The following ABCA6 variants were observed in gnomAD, a reference collection of about 807,000 sequenced individuals.
The protein encoded by ABCA6 is ATP-binding cassette sub-family A member 6.
A neutral mutation model predicts 191.2 loss-of-function variants in ABCA6; 164 were observed. The observed-to-expected ratio is 0.86, with a 90% CI of 0.76 to 0.98. The LOEUF is 0.98. Among genes scored for constraint, ABCA6 ranks in the 50% least tolerant of loss-of-function variants. ABCA6 has a pLI of 0.00. For missense variants in ABCA6, 1,958 were observed against 1,894.1 expected (o/e 1.03, Z -0.63); for synonymous variants, 636 against 647.7 (o/e 0.98, Z 0.27).
chr17:69,129,746 G>A lies in ABCA6; in HGVS notation c.797C>T (p.Ser266Phe), dbSNP rs1339852741. ...MGLQDSAFWLSWGLIYAGFIF... is the reference protein window; with the variant it reads ...MGLQDSAFWLFWGLIYAGFIF... ...GAAGCCAGCATAGATTAGACCCCAG[G>A]AGAGCCTAAATAAAGACAAAAAGTT... Residue 266 changes from serine (S) to phenylalanine (F), a missense_variant, in exon 7 of 39, where the codon TCC becomes TTC. By Grantham distance (155) the Ser-to-Phe change is radical. Transcript: ENST00000284425. 6.3e-7 allele frequency: 1 copy of A among 1,576,592 alleles called. No homozygotes were observed. The highest frequency in any genetic ancestry group is 2.0e-5 in the Admixed American group (1 of 50,792).
Position 69,107,781 on chromosome 17 carries a change from G to T in ABCA6, c.2304C>A (p.Asp768Glu). ...DLFSDLDKCS[D>E]QGVTGYDISM... ...AAATGTCATAACCTGTCACTCCCTGGTCAGAACACTTATCCAGATCACTGA... is the reference window on the plus strand; with the variant it reads ...AAATGTCATAACCTGTCACTCCCTGTTCAGAACACTTATCCAGATCACTGA... The change falls in exon 18 of 39, where the codon GAC becomes GAA. Residue 768 changes from aspartate to glutamate, a missense_variant. Physicochemically the swap from Asp to Glu is conservative, Grantham distance 45. Transcript: ENST00000284425. 1 of 1,611,794 alleles carries T rather than the reference G, an allele frequency of 6.2e-7. No homozygotes were observed. The highest frequency in any genetic ancestry group is 8.5e-7 in the Non-Finnish European group (1 of 1,178,930).
chr17:69,139,074 A>G (rs1307432713), intron 2 of ABCA6, among the ~76,000 whole-genome samples: 1 of 152,240 alleles, frequency 6.6e-6, no homozygotes, highest in Non-Finnish European at 1.5e-5. Flanking sequence ...AGCAATGGCA[A>G]CAAAAGCTAA....
At chr17:69,137,271 C>CT (rs755584735) in intron 3 of ABCA6, 25 bp downstream of exon 3, 30 of 1,601,574 alleles carry the variant, frequency 1.9e-5, no homozygotes, top group Middle Eastern at 2.2e-4. Flanking sequence ...ATCAGTAACT[C>CT]TTTTTTTGCC....
chr17:69,094,153 G>A (rs2072994768), intron 25 of ABCA6: 1 of 152,182 alleles, frequency 6.6e-6, no homozygotes, highest in South Asian at 2.1e-4. Context: ...TCAAATCACA[G>A]TGAGAACACC....
intron 25 of ABCA6, among the ~76,000 whole-genome samples, chr17:69,091,916 T>C (rs1309046397): frequency 6.6e-6 from 1 of 152,120 alleles, no homozygotes; most frequent in Non-Finnish European, 1.5e-5. Flanking sequence ...ATATTGCTAA[T>C]GAATAAAAAC....
rs893309433 is a variant in ABCA6, at chr17:69,141,423, T to C, written c.-46+322A>G. Among the ~76,000 whole-genome samples, 4 of 152,148 alleles carry C rather than the reference T, an allele frequency of 2.6e-5. No homozygotes were observed. In the South Asian group the frequency reaches 6.2e-4, roughly 24 times the overall value. Reference sequence around the variant, plus strand: ...AGCAAAAATAAATCACACGGGAAAGTAATTTTGCCCAAAGATTTGCAAATC... The same window carrying C: ...AGCAAAAATAAATCACACGGGAAAGCAATTTTGCCCAAAGATTTGCAAATC... On this transcript the variant is annotated intron_variant, in intron 1 of 38. Coordinates refer to ENST00000284425, the MANE Select transcript of ABCA6 (RefSeq NM_080284.3).
chr17:69,136,242 C>T lies in ABCA6; in HGVS notation c.310G>A (p.Val104Ile), dbSNP rs1392512469. Residue 104 changes from valine to isoleucine, a missense_variant, in exon 4 of 39, where the codon GTC becomes ATC. Physicochemically the swap from Val to Ile is conservative, Grantham distance 29. Coordinates refer to ENST00000284425, the MANE Select transcript of ABCA6 (RefSeq NM_080284.3). Reference sequence around the variant, plus strand: ...TGTGTTTTATTTGGTGCCCCAATGACACTTGTTCCTGTGAATTACAAGGTA... The same window carrying T: ...TGTGTTTTATTTGGTGCCCCAATGATACTTGTTCCTGTGAATTACAAGGTA... Reference protein sequence around the residue: ...ALAPLLKGTSVIGAPNKTHMD... With the variant: ...ALAPLLKGTSIIGAPNKTHMD... The T allele has an allele frequency of 1.3e-6, 2 of 1,545,728 alleles. No individual in the cohort carries two copies. The highest frequency in any genetic ancestry group is 2.3e-5 in the East Asian group (1 of 43,528).
intron 10 of ABCA6, among the ~76,000 whole-genome samples, chr17:69,120,583 A>G (rs2073622230): frequency 1.3e-5 from 2 of 152,098 alleles, no homozygotes; most frequent in South Asian, 4.1e-4. Context: ...GAATGAATGA[A>G]TGAAGCAAAG....
intron 4 of ABCA6, 193 bp downstream of exon 4, chr17:69,135,899 T>C (rs1598066554): frequency 1.8e-5 from 11 of 605,560 alleles, no homozygotes; most frequent in Middle Eastern, 2.6e-4. Flanking sequence ...ACATATATGT[T>C]GGATGACTCT....
In ABCA6 at chr17:69,137,402, T is replaced by C; in HGVS notation, c.195A>G (p.Gly65=). ...AAGAGCTATTAAATTTATCTACCCT[T>C]CCCAGATTCTGAGGAGCCATTCCAG... The part of the protein sequence containing the change: ...QFPGMAPQNL[G]RVDKFNSSSL... The change falls in exon 3 of 39, where the codon GGA becomes GGG. Residue 65 remains glycine, a synonymous_variant. Coordinates refer to ENST00000284425, the MANE Select transcript of ABCA6 (RefSeq NM_080284.3). 1.9e-6 allele frequency: 3 copies of C among 1,613,736 alleles called. No individual in the cohort carries two copies. The highest frequency in any genetic ancestry group is 1.3e-5 in the African/African-American group (1 of 75,022).
chr17:69,098,813 GA>G (rs1358222259), intron 22 of ABCA6, among the ~76,000 whole-genome samples: 1 of 152,006 alleles, frequency 6.6e-6, no homozygotes, highest in Non-Finnish European at 1.5e-5. Context: ...GGGGGAGGGG[GA>G]AAGCTAATTG....
At chr17:69,129,903 A>G in intron 6 of ABCA6, 152 bp from the exon 7 acceptor site, 2 of 577,842 alleles carry the variant, frequency 3.5e-6, no homozygotes, top group East Asian at 3.2e-5. Flanking sequence ...AGCTCATTGC[A>G]TATCCTTTTT....
rs971525783 is a variant in ABCA6 at position 69,085,173 on chromosome 17, T to A, written c.4039A>T (p.Lys1347Ter). Reference sequence around the variant, plus strand: ...TGGCCCAAAACTGAACTGCAGCCTTTCAGTTCCACCTAAAAAAATAAAAGA... The same window carrying A: ...TGGCCCAAAACTGAACTGCAGCCTTACAGTTCCACCTAAAAAAATAAAAGA... ...TKPTAGEVEL[K>*]GCSSVLGHLG... Residue 1347 changes from lysine (K) to a stop codon, truncating the protein, a stop_gained, in exon 32 of 39, where the codon AAA (lysine) becomes TAA (stop). Transcript: ENST00000284425. LOFTEE classifies it high-confidence loss of function. 1.2e-5 allele frequency: 20 copies of A among 1,607,834 alleles called. No individual in the cohort carries two copies. The highest frequency in any genetic ancestry group is 1.6e-5 in the Non-Finnish European group (19 of 1,177,568).
At chr17:69,128,869 G>A (rs2073807143) in intron 7 of ABCA6, 65 bp from the exon 8 acceptor site, 1 of 1,290,050 alleles carries the variant, frequency 7.8e-7, no homozygotes, top group Non-Finnish European at 1.1e-6. Flanking sequence ...ATCATTGGCA[G>A]CCCAATCAAA....
chr17:69,105,368 C>A (rs544374052), intron 20 of ABCA6, 94 bp downstream of exon 20: 1 of 1,234,936 alleles, frequency 8.1e-7, no homozygotes, highest in East Asian at 2.6e-5. Flanking sequence ...TACCCATTTT[C>A]TTCTCTTATG....
In ABCA6 at chr17:69,107,703, G is replaced by A. The variant is rs747398316; in HGVS notation, c.2382C>T (p.Ile794=). The A allele has an allele frequency of 1.1e-5, 18 of 1,596,574 alleles. No individual in the cohort carries two copies. The highest frequency in any genetic ancestry group is 1.4e-5 in the Non-Finnish European group (16 of 1,167,698). The change falls in exon 18 of 39, where the codon ATC becomes ATT. Residue 794 remains isoleucine, a synonymous_variant. Coordinates refer to ENST00000284425, the MANE Select transcript of ABCA6 (RefSeq NM_080284.3). ...VFMKLEGQST[I]EQDFEQVEMI... ...TTATACAAATGGCTTTACCTTGTTC[G>A]ATAGTTGACTGTCCTTCCAGTTTCA...
intron 11 of ABCA6, among the ~76,000 whole-genome samples, chr17:69,117,109 G>C (rs953051325): frequency 2.6e-5 from 4 of 151,994 alleles, no homozygotes; most frequent in Non-Finnish European, 5.9e-5. Flanking sequence ...GAATAAAATT[G>C]CTCATACAAA....
intron 8 of ABCA6, among the ~76,000 whole-genome samples, chr17:69,127,849 T>G (rs776744802): frequency 6.6e-6 from 1 of 152,086 alleles, no homozygotes; most frequent in Non-Finnish European, 1.5e-5. Context: ...TTATTAAAAA[T>G]GCTCAAAAAC....
intron 11 of ABCA6, 70 bp downstream of exon 11, chr17:69,117,828 A>T: frequency 1.7e-6 from 2 of 1,186,080 alleles, no homozygotes; most frequent in Non-Finnish European, 2.4e-6. Context: ...ATTTTTTCAC[A>T]TTGAATGTTT....
Sources: allele counts gnomAD v4.1 joint callset (sites outside exome capture counted in the v4.1 genomes callset), GRCh38; gene constraint gnomAD v4.1.1; transcripts MANE v1.5; gene names NCBI Gene and HGNC (gene_info 2026-07-23, HGNC 2026-07-21).